The following TARS3 variants were observed in gnomAD, a reference collection of about 807,000 sequenced individuals.
The protein encoded by TARS3 is threonine--tRNA ligase 2, cytoplasmic.
In TARS3, 94 loss-of-function variants were observed where a neutral mutation model predicts 103.5. The observed-to-expected ratio is 0.91, with a 90% CI of 0.77 to 1.08. The LOEUF (loss-of-function observed/expected upper bound fraction) is 1.08, where lower values mean the gene tolerates loss of function less well. Ranked by LOEUF, TARS3 falls within the 50% of genes least tolerant of loss-of-function variation. The pLI, the probability that TARS3 is intolerant of heterozygous loss-of-function variation, is 0.00. For synonymous variants in TARS3, 416 were observed against 355.4 expected (o/e 1.17, Z -1.92); for missense variants, 952 against 995.2 (o/e 0.96, Z 0.58).
chr15:101,675,466 C>G, intron 13 of TARS3, 134 bp downstream of exon 13: 2 of 782,212 alleles, frequency 2.6e-6, no homozygotes, highest in Non-Finnish European at 4.2e-6. Flanking sequence ...ATTCTACAAC[C>G]TATATATCTA....
intron 5 of TARS3, among the ~76,000 whole-genome samples, chr15:101,709,871 T>G (rs1253997289): frequency 6.6e-6 from 1 of 152,202 alleles, no homozygotes; most frequent in African/African-American, 2.4e-5. Context: ...TCATCCAGAT[T>G]TCTGGCACAG....
intron 18 of TARS3, among the ~76,000 whole-genome samples, chr15:101,656,219 C>G (rs1019206091): frequency 1.4e-4 from 22 of 152,324 alleles, no homozygotes; most frequent in African/African-American, 5.3e-4. Flanking sequence ...TTTGTCTAAA[C>G]CAAGTTGAGA....
chr15:101,661,795 C>T lies in TARS3; in HGVS notation c.1989G>A (p.Lys663=). The T allele has an allele frequency of 6.2e-7, 1 of 1,604,068 alleles. No individual in the cohort carries two copies. The highest frequency in any genetic ancestry group is 8.5e-7 in the Non-Finnish European group (1 of 1,174,878). The change falls in exon 16 of 19, where the codon AAG becomes AAA. Residue 663 remains lysine, a synonymous_variant. Transcript: ENST00000335968. ...TYVSKDGDDK[K]RPVIIHRAIL... ...TGGCTCGATGAATGATCACAGGTCTCTTCTTATCATCCCCATCCTTACTAA... is the reference window on the plus strand; with the variant it reads ...TGGCTCGATGAATGATCACAGGTCTTTTCTTATCATCCCCATCCTTACTAA...
At position 101,714,820 on chromosome 15, in the gene TARS3, T is replaced by G; in HGVS notation, c.690+20A>C. 6.3e-7 allele frequency: 1 copy of G among 1,596,272 alleles called. No individual in the cohort carries two copies. Among genetic ancestry groups the G allele is most frequent in the Non-Finnish European group, 8.5e-7 (1 of 1,170,396 alleles). On this transcript the variant is annotated intron_variant, in intron 4 of 18. Coordinates refer to ENST00000335968, the MANE Select transcript of TARS3 (RefSeq NM_152334.3). ...AACATAACTACCCAAAGTTTGGCTG[T>G]CTGGTTTTTAAATACTCACAGCTTG...
chr15:101,704,681 A>G (rs7180980), intron 7 of TARS3, among the ~76,000 whole-genome samples: 2,052 of 150,282 alleles, frequency 0.014, 54 homozygotes, highest in African/African-American at 0.047. Flanking sequence ...AAAAAAAAAG[A>G]AAGCCATAAA....
At chr15:101,703,400 A>T (rs2141432071) in intron 8 of TARS3, among the ~76,000 whole-genome samples, 1 of 152,156 alleles carries the variant, frequency 6.6e-6, no homozygotes, top group Admixed American at 6.5e-5. Context: ...GACCAGCCTG[A>T]CCAATGTGGT....
Position 101,724,086 on chromosome 15 carries a change from G to C in TARS3, c.297+5C>G. ...TCCTCTCCAGTGTCCCCACCGCCCG[G>C]TTACCTGTGCGCCGGCCTCCTGCGC... On this transcript the variant is annotated splice_donor_5th_base_variant and intron_variant, in intron 1 of 18. Transcript: ENST00000335968. 1 of 1,361,542 alleles carries C rather than the reference G, an allele frequency of 7.3e-7. No individual in the cohort carries two copies. The highest frequency in any genetic ancestry group is 9.4e-7 in the Non-Finnish European group (1 of 1,059,514). 84.3% of individuals were successfully genotyped at this position (1,361,542 alleles called of 1,614,324 possible).
intron 10 of TARS3, among the ~76,000 whole-genome samples, chr15:101,691,665 C>G (rs1044225211): frequency 6.6e-6 from 1 of 152,048 alleles, no homozygotes; most frequent in African/African-American, 2.4e-5. Flanking sequence ...AAAGAGTTAC[C>G]TTTTTTGTGT....
chr15:101,699,308 C>T, intron 10 of TARS3: 1 of 426,464 alleles, frequency 2.3e-6, no homozygotes, highest in Middle Eastern at 3.4e-4. Context: ...GCCTCAGGGA[C>T]CCTTCCCAAC....
At chr15:101,707,924 A>T (rs928079236) in intron 6 of TARS3, among the ~76,000 whole-genome samples, 2 of 152,240 alleles carry the variant, frequency 1.3e-5, no homozygotes, top group African/African-American at 4.8e-5. Flanking sequence ...TCAAGCCCAC[A>T]AAACTGATAA....
chr15:101,673,852 T>G (rs751411234), intron 13 of TARS3, among the ~76,000 whole-genome samples: 2 of 152,218 alleles, frequency 1.3e-5, no homozygotes, highest in Non-Finnish European at 2.9e-5. Context: ...CTTCTGCACC[T>G]ATTAATCACG....
In TARS3 at chr15:101,685,795, G is replaced by A. The variant is rs1898446630; in HGVS notation, c.1487+101C>T. On this transcript the variant is annotated intron_variant, in intron 11 of 18. Coordinates refer to ENST00000335968, the MANE Select transcript of TARS3 (RefSeq NM_152334.3). ...AAAAATTAGTAATCACCACTCTTCAGATTAAAGGGACTCTTTCATTCCACA... is the reference window on the plus strand; with the variant it reads ...AAAAATTAGTAATCACCACTCTTCAAATTAAAGGGACTCTTTCATTCCACA... 5.1e-6 allele frequency: 5 copies of A among 984,402 alleles called. No homozygotes were observed. In the South Asian group the frequency reaches 1.2e-4, roughly 23 times the overall value. The allele number at this position is 984,402 out of a possible 1,614,324, so 61.0% of individuals were successfully genotyped here. A position where few individuals can be genotyped will look rare whatever the true frequency, so the allele number is the denominator to read the frequency against.
At chr15:101,676,055 C>T (rs1898013341) in intron 12 of TARS3, among the ~76,000 whole-genome samples, 1 of 152,136 alleles carries the variant, frequency 6.6e-6, no homozygotes, top group African/African-American at 2.4e-5. Flanking sequence ...CTGCATGGAG[C>T]GGAAGCTCAG....
intron 10 of TARS3, among the ~76,000 whole-genome samples, chr15:101,688,377 C>G (rs1348559653): frequency 6.6e-6 from 1 of 152,092 alleles, no homozygotes; most frequent in Non-Finnish European, 1.5e-5. Flanking sequence ...AGTAAACTCT[C>G]AGTGACTGAG....
chr15:101,672,792 TG>T (rs1175963139), intron 13 of TARS3, among the ~76,000 whole-genome samples: 1 of 152,180 alleles, frequency 6.6e-6, no homozygotes, highest in Non-Finnish European at 1.5e-5. Flanking sequence ...TTCCGGGGCC[TG>T]GAGGCTGCGC....
At chr15:101,721,750 C>T (rs887227982) in intron 2 of TARS3, among the ~76,000 whole-genome samples, 1 of 152,158 alleles carries the variant, frequency 6.6e-6, no homozygotes, top group African/African-American at 2.4e-5. Context: ...CTGCCTTGGC[C>T]TCCCAAAATG....
chr15:101,700,014 C>G (rs1899180197), intron 10 of TARS3, among the ~76,000 whole-genome samples: 1 of 151,986 alleles, frequency 6.6e-6, no homozygotes, highest in South Asian at 2.1e-4. Flanking sequence ...CAAGTTAATT[C>G]TGGAGTAGGA....
At position 101,654,391 on chromosome 15, in the gene TARS3, A is replaced by G; in HGVS notation, c.*191T>C. ...GGAAAATTTCCCACGTGCCCTCTAA[A>G]CGTCCCCCGTGGACATGAGTAAATT... On this transcript the variant is annotated 3_prime_UTR_variant, in exon 19 of 19. Coordinates refer to ENST00000335968, the MANE Select transcript of TARS3 (RefSeq NM_152334.3). The G allele has an allele frequency of 1.8e-6, 1 of 542,486 alleles. No individual in the cohort carries two copies. The highest frequency in any genetic ancestry group is 3.1e-6 in the Non-Finnish European group (1 of 326,836). The allele number at this position is 542,486 out of a possible 1,614,324, so 33.6% of individuals were successfully genotyped here. A position where few individuals can be genotyped will look rare whatever the true frequency, so the allele number is the denominator to read the frequency against.
At chr15:101,700,658 T>TC (rs1270433735) in intron 10 of TARS3, among the ~76,000 whole-genome samples, 10 of 148,600 alleles carry the variant, frequency 6.7e-5, no homozygotes, top group South Asian at 4.2e-4. Flanking sequence ...TTTTTTTTTT[T>TC]CTTTGAGATG....
Sources: allele counts gnomAD v4.1 joint callset (sites outside exome capture counted in the v4.1 genomes callset), GRCh38; gene constraint gnomAD v4.1.1; transcripts MANE v1.5; gene names NCBI Gene and HGNC (gene_info 2026-07-23, HGNC 2026-07-21).